The following PDZD2 variants were observed in gnomAD, a reference collection of about 807,000 sequenced individuals.
PDZD2 encodes the protein PDZ domain-containing protein 2.
In PDZD2, 90 loss-of-function variants were observed where a neutral mutation model predicts 220.7. That is an observed-to-expected ratio of 0.41 (90% CI 0.34 to 0.49). PDZD2 has a LOEUF of 0.49. Ranked by LOEUF, PDZD2 falls within the 20% of genes least tolerant of loss-of-function variation. The pLI is 0.28. For missense variants in PDZD2, 3,174 were observed against 3,608.5 expected (o/e 0.88, Z 3.08); for synonymous variants, 1,375 against 1,450.5 (o/e 0.95, Z 1.18).
chr5:31,676,064 A>G (rs1388079855), intron 1 of PDZD2, among the ~76,000 whole-genome samples: 1 of 152,148 alleles, frequency 6.6e-6, no homozygotes, highest in East Asian at 1.9e-4. Flanking sequence ...TGTGTTCCCA[A>G]TTCATCACAG....
At chr5:31,845,053 C>T (rs1384847738) in intron 2 of PDZD2, among the ~76,000 whole-genome samples, 19 of 152,124 alleles carry the variant, frequency 1.2e-4, no homozygotes, top group Admixed American at 1.2e-3. Context: ...ATTGTTACCA[C>T]GTCAGAAGAA....
At chr5:31,721,560 T>A (rs1158259463) in intron 1 of PDZD2, among the ~76,000 whole-genome samples, 1 of 142,962 alleles carries the variant, frequency 7.0e-6, no homozygotes, top group African/African-American at 2.6e-5. Flanking sequence ...AGGAAACTAA[T>A]AAGGAAAGGA....
chr5:31,737,736 A>G (rs1245870517), intron 1 of PDZD2, among the ~76,000 whole-genome samples: 1 of 152,172 alleles, frequency 6.6e-6, no homozygotes, highest in Non-Finnish European at 1.5e-5. Flanking sequence ...GAGCAGTAGT[A>G]TCCAGAAGGA....
intron 2 of PDZD2, among the ~76,000 whole-genome samples, chr5:31,869,160 T>C (rs1329445889): frequency 6.6e-6 from 1 of 152,236 alleles, no homozygotes; most frequent in Admixed American, 6.5e-5. Context: ...GTTCCAGACA[T>C]GCTTTGTCTG....
At chr5:31,788,097 G>A (rs1425404040) in intron 1 of PDZD2, among the ~76,000 whole-genome samples, 4 of 152,170 alleles carry the variant, frequency 2.6e-5, no homozygotes, top group African/African-American at 7.2e-5. Flanking sequence ...CAGGCCGGGC[G>A]CCGTGGTTCA....
At chr5:32,079,482 G>T (rs2112430038) in intron 19 of PDZD2, among the ~76,000 whole-genome samples, 1 of 151,614 alleles carries the variant, frequency 6.6e-6, no homozygotes, top group East Asian at 2.0e-4. Context: ...ACAGAAAAAA[G>T]ATAGCCTTCC....
chr5:32,090,575 G>T lies in PDZD2; in HGVS notation c.7127G>T (p.Ser2376Ile), dbSNP rs1485337103. Reference sequence around the variant, plus strand: ...CCCATTGGGAGGCGGTCTTCCGGCAGCATTGTTTCCGGGAGCCTGGGCCAC... The same window carrying T: ...CCCATTGGGAGGCGGTCTTCCGGCATCATTGTTTCCGGGAGCCTGGGCCAC... ...KPPIGRRSSG[S>I]IVSGSLGHPG... The change falls in exon 20 of 25, where the codon AGC (serine) becomes ATC (isoleucine). Residue 2376 changes from serine (S) to isoleucine (I), a missense_variant. Transcript: ENST00000438447. The surrounding 1 kb of genome is among the most constrained non-coding windows in gnomAD (Gnocchi z 4.3). 1.9e-6 allele frequency: 3 copies of T among 1,614,036 alleles called. No homozygotes were observed. In the Admixed American group the frequency reaches 5.0e-5, roughly 27 times the overall value.
chr5:32,085,937 T>G (rs1047891970), intron 19 of PDZD2, among the ~76,000 whole-genome samples: 1 of 152,058 alleles, frequency 6.6e-6, no homozygotes, highest in African/African-American at 2.4e-5. Flanking sequence ...CTTTGGGTAG[T>G]ATGGACATTT....
intron 1 of PDZD2, among the ~76,000 whole-genome samples, chr5:31,704,575 G>A (rs1279632002): frequency 6.6e-6 from 1 of 152,174 alleles, no homozygotes; most frequent in African/African-American, 2.4e-5. Context: ...TATTTTGACT[G>A]CAGATTTTTC....
chr5:31,699,548 A>G (rs1271907958), intron 1 of PDZD2, among the ~76,000 whole-genome samples: 1 of 152,114 alleles, frequency 6.6e-6, no homozygotes, highest in African/African-American at 2.4e-5. Flanking sequence ...CAGGAGTTCG[A>G]GATCAGCCTG....
intron 2 of PDZD2, among the ~76,000 whole-genome samples, chr5:31,952,847 G>A (rs969152834): frequency 1.3e-5 from 2 of 152,146 alleles, no homozygotes; most frequent in African/African-American, 4.8e-5. Context: ...ATCACCTGAG[G>A]TCAGGAATTA....
chr5:31,738,971 C>T (rs559487958), intron 1 of PDZD2, among the ~76,000 whole-genome samples: 227 of 152,128 alleles, frequency 1.5e-3, no homozygotes, highest in Admixed American at 2.6e-3. Context: ...CTGCAACCTC[C>T]GCTTCCTGGG....
At chr5:31,956,930 A>C (rs1416127761) in intron 2 of PDZD2, among the ~76,000 whole-genome samples, 1 of 152,028 alleles carries the variant, frequency 6.6e-6, no homozygotes, top group Non-Finnish European at 1.5e-5. Flanking sequence ...TTTCTCTGTC[A>C]CCCAGGCTAA....
chr5:31,772,768 G>C (rs921044065), intron 1 of PDZD2, among the ~76,000 whole-genome samples: 1 of 152,196 alleles, frequency 6.6e-6, no homozygotes, highest in Non-Finnish European at 1.5e-5. Flanking sequence ...TTTGTGCCTG[G>C]AGGGCACCTC....
intron 1 of PDZD2, among the ~76,000 whole-genome samples, chr5:31,694,793 A>ATTTTATTTTATTTTAT (rs201947093): frequency 0.018 from 2,073 of 114,674 alleles, 20 homozygotes; most frequent in Admixed American, 0.037. Flanking sequence ...TATTTTATTT[A>ATTTTATTTTATTTTAT]TTTATTTTTT....
At chr5:32,014,934 T>TCG (rs199609503) in intron 6 of PDZD2, among the ~76,000 whole-genome samples, 1,937 of 97,546 alleles carry the variant, frequency 0.02, 215 homozygotes, top group African/African-American at 0.065. Flanking sequence ...AGTCTCAATC[T>TCG]CTCTCTTTTT....
At chr5:32,026,043 G>C (rs1188945143) in intron 6 of PDZD2, among the ~76,000 whole-genome samples, 2 of 152,092 alleles carry the variant, frequency 1.3e-5, no homozygotes, top group African/African-American at 4.8e-5. Flanking sequence ...GTTTACTGTT[G>C]CTGCTGAATT....
At chr5:31,927,723 G>A (rs1448294827) in intron 2 of PDZD2, among the ~76,000 whole-genome samples, 3 of 152,098 alleles carry the variant, frequency 2.0e-5, no homozygotes, top group Non-Finnish European at 2.9e-5. Flanking sequence ...TGCCCGAAGT[G>A]ACTGGCCCTT....
At chr5:31,685,857 T>C (rs961968582) in intron 1 of PDZD2, among the ~76,000 whole-genome samples, 1 of 151,738 alleles carries the variant, frequency 6.6e-6, no homozygotes, top group Non-Finnish European at 1.5e-5. Context: ...CATCGTCATT[T>C]ATCTGTCAGT....
Sources: allele counts gnomAD v4.1 joint callset (sites outside exome capture counted in the v4.1 genomes callset), GRCh38; gene constraint gnomAD v4.1.1; non-coding constraint Gnocchi (gnomAD v3.1); transcripts MANE v1.5; gene names NCBI Gene and HGNC (gene_info 2026-07-23, HGNC 2026-07-21).